The following NFATC2 variants were observed in gnomAD, a reference collection of about 807,000 sequenced individuals.
NFATC2 encodes nuclear factor of activated T cells 2.
In NFATC2, 22 loss-of-function variants were observed where a neutral mutation model predicts 87.3. The ratio of observed to expected loss-of-function variants is 0.25; its 90% CI spans 0.18 to 0.36. The LOEUF (loss-of-function observed/expected upper bound fraction) is 0.36, where lower values mean the gene tolerates loss of function less well. Ranked by LOEUF, NFATC2 falls within the 10% of genes least tolerant of loss-of-function variation. The pLI, the probability that NFATC2 is intolerant of heterozygous loss-of-function variation, is 1.00. For synonymous variants in NFATC2, 565 were observed against 542.2 expected (o/e 1.04, Z -0.58); for missense variants, 1,149 against 1,259.1 (o/e 0.91, Z 1.32).
At chr20:51,410,876 G>A (rs111426650) in intron 9 of NFATC2, among the ~76,000 whole-genome samples, 2,775 of 152,168 alleles carry the variant, frequency 0.018, 98 homozygotes, top group African/African-American at 0.064. Context: ...TTTCTTTCTG[G>A]CATTTTTTTC....
rs1384036327 is a variant in NFATC2, at chr20:51,445,699, T to C, written c.1849+8849A>G. The stretch of plus-strand genomic sequence containing the variant: ...TTTTCCCCATCTGAAAGTGTCCTGC[T>C]TATAAACAAGTTTCAGACTGTCCAC... On this transcript the variant is annotated intron_variant, in intron 6 of 10. Coordinates refer to ENST00000371564, the MANE Select transcript of NFATC2 (RefSeq NM_012340.5). Among the ~76,000 whole-genome samples, 10 of 152,218 alleles carry C rather than the reference T, an allele frequency of 6.6e-5. No individual in the cohort carries two copies. In the East Asian group the frequency reaches 1.9e-3, roughly 29 times the overall value.
chr20:51,473,927 C>G (rs1231215501), intron 5 of NFATC2, 53 bp downstream of exon 5: 5 of 1,581,646 alleles, frequency 3.2e-6, no homozygotes, highest in African/African-American at 2.7e-5. Flanking sequence ...CCGGGGGAAG[C>G]CCACGTGCCC....
At chr20:51,503,794 T>C (rs775207572) in intron 3 of NFATC2, among the ~76,000 whole-genome samples, 3 of 152,216 alleles carry the variant, frequency 2.0e-5, no homozygotes, top group Admixed American at 6.5e-5. Context: ...GACAAAAGCC[T>C]GAACAACCTG....
chr20:51,525,136 C>T (rs2076523085), intron 1 of NFATC2, among the ~76,000 whole-genome samples: 1 of 152,208 alleles, frequency 6.6e-6, no homozygotes, highest in Non-Finnish European at 1.5e-5. Context: ...ACAAGAATCG[C>T]TTAAAACCAG....
chr20:51,493,905 T>C (rs1035228202), intron 3 of NFATC2, among the ~76,000 whole-genome samples: 6 of 152,112 alleles, frequency 3.9e-5, no homozygotes. Flanking sequence ...CCGAGACTGG[T>C]TGGGGCTGCG....
intron 3 of NFATC2, among the ~76,000 whole-genome samples, chr20:51,508,007 CAAAT>C (rs2076213023): frequency 6.6e-6 from 1 of 152,206 alleles, no homozygotes; most frequent in African/African-American, 2.4e-5. Flanking sequence ...ATTTGTGACA[CAAAT>C]AAAGTTTCTT....
At chr20:51,487,051 C>T (rs150977806) in intron 3 of NFATC2, among the ~76,000 whole-genome samples, 13 of 152,298 alleles carry the variant, frequency 8.5e-5, no homozygotes, top group East Asian at 5.8e-4. Context: ...AGTGTTTACC[C>T]GAAGACCAGA....
rs1001555448 is a variant in NFATC2, at chr20:51,390,681, G to A, written c.*815C>T. 1.3e-5 allele frequency: 2 copies of A among 153,724 alleles called. No individual in the cohort carries two copies. Among genetic ancestry groups the A allele is most frequent in the African/African-American group, 4.8e-5 (2 of 41,426 alleles). The allele number at this position is 153,724 out of a possible 1,614,324, so 9.5% of individuals were successfully genotyped here. ...GCTCCAGGGCTAGGTGCCCTGGTCA[G>A]CCTTTTAAAGCAGAAAAAATAATAA... On this transcript the variant is annotated 3_prime_UTR_variant, in exon 11 of 11. Coordinates refer to ENST00000371564, the MANE Select transcript of NFATC2 (RefSeq NM_012340.5).
At position 51,449,961 on chromosome 20, in the gene NFATC2, G is replaced by C. The variant is rs146660023; in HGVS notation, c.1849+4587C>G. Among the ~76,000 whole-genome samples the C allele has an allele frequency of 3.9e-3, 595 of 151,976 alleles. 3 individuals carry two copies. Among genetic ancestry groups the C allele is most frequent in the Non-Finnish European group, 6.2e-3 (423 of 67,976 alleles). The stretch of plus-strand genomic sequence containing the variant: ...TTACTACTGTTTTTTAATGTCTCTT[G>C]GTTCCATGAGATAAAGTCTTACTTG... On this transcript the variant is annotated intron_variant, in intron 6 of 10. Coordinates refer to ENST00000371564, the MANE Select transcript of NFATC2 (RefSeq NM_012340.5).
chr20:51,501,242 A>C (rs2076085444), intron 3 of NFATC2, among the ~76,000 whole-genome samples: 1 of 152,158 alleles, frequency 6.6e-6, no homozygotes, highest in African/African-American at 2.4e-5. Flanking sequence ...TGGCACCCTC[A>C]TGATACACAC....
chr20:51,474,710 A>G (rs972358625), intron 4 of NFATC2, among the ~76,000 whole-genome samples: 2 of 152,246 alleles, frequency 1.3e-5, no homozygotes, highest in African/African-American at 4.8e-5. Flanking sequence ...TTCTTGCAGT[A>G]TTTCTGTAAG....
intron 1 of NFATC2, among the ~76,000 whole-genome samples, chr20:51,533,277 C>G (rs907709188): frequency 6.6e-6 from 1 of 152,218 alleles, no homozygotes; most frequent in Non-Finnish European, 1.5e-5. Context: ...GAAAGAACCC[C>G]TTTGAAAAGC....
chr20:51,507,414 G>A (rs1316632039), intron 3 of NFATC2, among the ~76,000 whole-genome samples: 1 of 152,164 alleles, frequency 6.6e-6, no homozygotes, highest in Non-Finnish European at 1.5e-5. Flanking sequence ...ACCAGAAAAA[G>A]CTGGAACAGG....
intron 1 of NFATC2, among the ~76,000 whole-genome samples, chr20:51,533,975 T>A (rs2146770345): frequency 6.6e-6 from 1 of 152,312 alleles, no homozygotes; most frequent in South Asian, 2.1e-4. Flanking sequence ...TCTTGCTGGT[T>A]TCAAGCCATT....
intron 5 of NFATC2, among the ~76,000 whole-genome samples, chr20:51,458,827 T>A (rs1394593849): frequency 6.6e-6 from 1 of 151,764 alleles, no homozygotes; most frequent in African/African-American, 2.4e-5. Flanking sequence ...CAAAAAAAAA[T>A]CTTCAAATGA....
intron 5 of NFATC2, among the ~76,000 whole-genome samples, chr20:51,466,634 C>G (rs190282464): frequency 3.0e-4 from 46 of 152,254 alleles, no homozygotes; most frequent in Admixed American, 1.3e-3. Flanking sequence ...AACCGAAAAG[C>G]TTCCAGAAGA....
At chr20:51,508,965 C>T (rs752830032) in intron 3 of NFATC2, among the ~76,000 whole-genome samples, 1 of 152,122 alleles carries the variant, frequency 6.6e-6, no homozygotes, top group Non-Finnish European at 1.5e-5. Context: ...TCCCAGCTCC[C>T]GCCTCGCTCA....
At chr20:51,479,284 C>T (rs188928782) in intron 3 of NFATC2, among the ~76,000 whole-genome samples, 1 of 152,312 alleles carries the variant, frequency 6.6e-6, no homozygotes, top group Admixed American at 6.5e-5. Flanking sequence ...ATTTTGTTAG[C>T]ATGGTCAATG....
At chr20:51,397,331 A>G (rs1987314815) in intron 10 of NFATC2, among the ~76,000 whole-genome samples, 1 of 152,212 alleles carries the variant, frequency 6.6e-6, no homozygotes, top group Admixed American at 6.5e-5. Context: ...GCTCAGTGAA[A>G]AGAACATAAA....
Sources: allele counts gnomAD v4.1 joint callset (sites outside exome capture counted in the v4.1 genomes callset), GRCh38; gene constraint gnomAD v4.1.1; transcripts MANE v1.5; gene names NCBI Gene and HGNC (gene_info 2026-07-23, HGNC 2026-07-21).